Variants in CWC22 observed in about 807,000 individuals in gnomAD.
CWC22 encodes pre-mRNA-splicing factor CWC22 homolog.
A neutral mutation model predicts 117.2 loss-of-function variants in CWC22; 53 were observed. That is an observed-to-expected ratio of 0.45 (90% CI 0.36 to 0.57). The LOEUF is 0.57. Among genes scored for constraint, CWC22 ranks in the 20% least tolerant of loss-of-function variants. The pLI is 0.00. For synonymous variants in CWC22, 360 were observed against 355.6 expected (o/e 1.01, Z -0.14); for missense variants, 980 against 1,068.8 (o/e 0.92, Z 1.16).
chr2:179,949,002 T>C (rs1433481302), intron 19 of CWC22, among the ~76,000 whole-genome samples: 1 of 152,212 alleles, frequency 6.6e-6, no homozygotes, highest in Non-Finnish European at 1.5e-5. Context: ...GTACTGTTTT[T>C]GCAACTTTCC....
chr2:179,973,698 A>T lies in CWC22; in HGVS notation c.686T>A (p.Ile229Asn), dbSNP rs757256048. ...VAIINSKFPQ[I>N]GELILKRLIL... The stretch of plus-strand genomic sequence containing the variant: ...TAACCTTTTGAGGATTAATTCTCCA[A>T]TTTGTGGAAATTTTGAGTTGATAAT... The change falls in exon 7 of 20, where the codon ATT becomes AAT. Residue 229 changes from isoleucine (I) to asparagine (N), a missense_variant. Ile to Asn is a moderately radical substitution (Grantham distance 149, BLOSUM62 -3). Around this residue, in one of 3 missense-constraint regions of CWC22, gnomAD observed 559 missense variants for 602.3 expected, o/e 0.93. Coordinates refer to ENST00000410053, the MANE Select transcript of CWC22 (RefSeq NM_020943.3). 2 of 1,610,926 alleles carry T rather than the reference A, an allele frequency of 1.2e-6. No individual in the cohort carries two copies. Among genetic ancestry groups the T allele is most frequent in the Non-Finnish European group, 1.7e-6 (2 of 1,177,614 alleles).
intron 2 of CWC22, among the ~76,000 whole-genome samples, chr2:179,993,028 C>T (rs1487338528): frequency 1.3e-5 from 2 of 152,210 alleles, no homozygotes; most frequent in Admixed American, 1.3e-4. Context: ...CGCGCACACA[C>T]ACGTACACAC....
At chr2:179,985,340 G>A (rs1355908555) in intron 4 of CWC22, among the ~76,000 whole-genome samples, 1 of 152,042 alleles carries the variant, frequency 6.6e-6, no homozygotes, top group African/African-American at 2.4e-5. Context: ...TTAAGTACTT[G>A]AGAGTATTTC....
Sources: gnomAD v4.1 joint callset for allele counts (sites outside exome capture counted in the v4.1 genomes callset) on GRCh38, gnomAD v4.1.1 for gene constraint, gnomAD v4.1.1 regional missense constraint, MANE v1.5 for transcripts, NCBI Gene and HGNC (gene_info 2026-07-23, HGNC 2026-07-21) for gene names.